Variants in GTSE1 observed in about 807,000 individuals in gnomAD.
GTSE1 encodes the protein G2 and S-phase expressed 1.
Under a neutral mutation model 60.5 loss-of-function variants are expected in GTSE1, and 52 were observed. The ratio of observed to expected loss-of-function variants is 0.86; its 90% CI spans 0.69 to 1.08. The LOEUF (loss-of-function observed/expected upper bound fraction) is 1.08, where lower values mean the gene tolerates loss of function less well. Among genes scored for constraint, GTSE1 ranks in the 50% least tolerant of loss-of-function variants. The pLI is 0.00. For missense variants in GTSE1, 937 were observed against 961.8 expected, an observed-to-expected ratio of 0.97 and a Z score of 0.34; for synonymous variants, 368 against 386.5, an observed-to-expected ratio of 0.95 and a Z score of 0.56.
chr22:46,320,822 G>A lies in GTSE1; in HGVS notation c.1433-2368G>A, dbSNP rs974291435. 2.0e-5 allele frequency among the ~76,000 whole-genome samples: 3 copies of A among 152,176 alleles called. No individual in the cohort carries two copies. The highest frequency in any genetic ancestry group is 7.2e-5 in the African/African-American group (3 of 41,436). Reference sequence around the variant, plus strand: ...CCAGGTTTAGGGAAGAGCTGATGTGGGCCTGGGAGGCGTGCGTGCTCAGGC... The same window carrying A: ...CCAGGTTTAGGGAAGAGCTGATGTGAGCCTGGGAGGCGTGCGTGCTCAGGC... On this transcript the variant is annotated intron_variant, in intron 7 of 11. Coordinates refer to ENST00000454366, the MANE Select transcript of GTSE1 (RefSeq NM_016426.7). The surrounding 1 kb of genome is among the most constrained non-coding windows in gnomAD (Gnocchi z 7.1).
At chr22:46,305,195 C>T (rs565064916) in intron 2 of GTSE1, among the ~76,000 whole-genome samples, 126 of 152,112 alleles carry the variant, frequency 8.3e-4, no homozygotes, top group African/African-American at 2.9e-3. Context: ...CTAGTTGGGA[C>T]GCTTTTTTGA....
chr22:46,302,895 C>CTTTT (rs34051708), intron 2 of GTSE1, among the ~76,000 whole-genome samples: 4 of 131,386 alleles, frequency 3.0e-5, no homozygotes, highest in African/African-American at 5.8e-5. Flanking sequence ...CACTTTCCCT[C>CTTTT]TTTTTTTTTT....
chr22:46,299,149 C>T (rs1460231911), intron 2 of GTSE1, among the ~76,000 whole-genome samples: 1 of 152,234 alleles, frequency 6.6e-6, no homozygotes, highest in Non-Finnish European at 1.5e-5. Flanking sequence ...GCTTGGAGTC[C>T]AAGACGCTCT....
At chr22:46,307,930 A>G (rs1473842749) in intron 2 of GTSE1, among the ~76,000 whole-genome samples, 8 of 152,260 alleles carry the variant, frequency 5.3e-5, no homozygotes, top group Admixed American at 5.2e-4. Context: ...TGGTCAACAT[A>G]GCGAGACTTC....
At position 46,314,708 on chromosome 22, in the gene GTSE1, T is replaced by C. The variant is rs1186664745; in HGVS notation, c.1051+695T>C. On this transcript the variant is annotated intron_variant, in intron 6 of 11. Transcript: ENST00000454366. This position sits in a 1 kb window ranked among gnomAD's most constrained non-coding sequence, Gnocchi z 7.1. ...CTGGCCAACATGGTGAAACCCTGTC[T>C]CTACTAAAAACACAAAAACTAGCCG... Among the ~76,000 whole-genome samples the C allele has an allele frequency of 6.6e-6, 1 of 151,948 alleles. No homozygotes were observed. The highest frequency in any genetic ancestry group is 6.6e-5 in the Admixed American group (1 of 15,258).
chr22:46,328,969 G>A, intron 10 of GTSE1, 80 bp downstream of exon 10: 1 of 1,150,884 alleles, frequency 8.7e-7, no homozygotes, highest in Non-Finnish European at 1.3e-6. Context: ...ACCCAGGGCT[G>A]TGGCTGGCGG....
rs1429724210 is a variant in GTSE1, at chr22:46,324,942, A to G, written c.1506-1494A>G. Among the ~76,000 whole-genome samples, 1 of 152,190 alleles carries G rather than the reference A, an allele frequency of 6.6e-6. No individual in the cohort carries two copies. Among genetic ancestry groups the G allele is most frequent in the Non-Finnish European group, 1.5e-5 (1 of 68,026 alleles). On this transcript the variant is annotated intron_variant, in intron 8 of 11. Coordinates refer to ENST00000454366, the MANE Select transcript of GTSE1 (RefSeq NM_016426.7). The surrounding 1 kb of genome is among the most constrained non-coding windows in gnomAD (Gnocchi z 5.2). Reference sequence around the variant, plus strand: ...GGTCTCCCTGGCCTCCCGAGGGGCCATGGTGGTGGGATGTCCTTGACTCAT... The same window carrying G: ...GGTCTCCCTGGCCTCCCGAGGGGCCGTGGTGGTGGGATGTCCTTGACTCAT...
Position 46,308,950 on chromosome 22 carries a change from G to GCCAC in GTSE1, c.762+8_762+11dup, listed in dbSNP as rs2077733492. 3 of 1,602,590 alleles carry GCCAC rather than the reference G, an allele frequency of 1.9e-6. No individual in the cohort carries two copies. In the Admixed American group the frequency reaches 5.1e-5, roughly 27 times the overall value. On this transcript the variant is annotated splice_region_variant and intron_variant, in intron 4 of 11. Transcript: ENST00000454366. ...CCCTGGGGCTGCGGAGAAGGTAAAT[G>GCCAC]CCACAGCAGAGCGCCTGCCTGGGGA...
At position 46,316,375 on chromosome 22, in the gene GTSE1, T is replaced by G. The variant is rs1443680918; in HGVS notation, c.1395T>G (p.Thr465=). The G allele has an allele frequency of 1.3e-6, 2 of 1,590,220 alleles. No individual in the cohort carries two copies. The highest frequency in any genetic ancestry group is 1.7e-6 in the Non-Finnish European group (2 of 1,162,902). Residue 465 remains threonine, a synonymous_variant, in exon 7 of 12, where the codon ACT becomes ACG. Transcript: ENST00000454366. This position sits in a 1 kb window ranked among gnomAD's most constrained non-coding sequence, Gnocchi z 5.0. ...CLNSKTKVMP[T]PTNQFKIPKF... ...ATTCCAAGACAAAGGTTATGCCTAC[T>G]CCTACAAATCAATTTAAAATTCCTA...
In GTSE1 at chr22:46,316,542, C is replaced by A. The variant is rs1569043133; in HGVS notation, c.1432+130C>A. 1.4e-6 allele frequency: 1 copy of A among 706,288 alleles called. No individual in the cohort carries two copies. The highest frequency in any genetic ancestry group is 2.4e-6 in the Non-Finnish European group (1 of 424,280). 43.8% of individuals were successfully genotyped at this position (706,288 alleles called of 1,614,324 possible). ...CCTCCAACAGTGCTTTCAGGTGTGA[C>A]CCGCTGTCTTCTCGCCCACGTTGTT... On this transcript the variant is annotated intron_variant, in intron 7 of 11. Coordinates refer to ENST00000454366, the MANE Select transcript of GTSE1 (RefSeq NM_016426.7). This position sits in a 1 kb window ranked among gnomAD's most constrained non-coding sequence, Gnocchi z 5.0.
At chr22:46,299,756 C>T (rs1267544161) in intron 2 of GTSE1, among the ~76,000 whole-genome samples, 1 of 152,086 alleles carries the variant, frequency 6.6e-6, no homozygotes, top group Non-Finnish European at 1.5e-5. Context: ...CTTTTAAAAA[C>T]ACAAGTTAGA....
chr22:46,325,034 C>T (rs983374202), intron 8 of GTSE1, among the ~76,000 whole-genome samples: 3 of 152,110 alleles, frequency 2.0e-5, no homozygotes, highest in African/African-American at 7.2e-5. Flanking sequence ...GACTATGTAG[C>T]TTGAACAACA....
At position 46,308,683 on chromosome 22, in the gene GTSE1, C is replaced by T. The variant is rs34725504; in HGVS notation, c.502C>T (p.Leu168=). 3,514 of 1,613,956 alleles carry T rather than the reference C, an allele frequency of 2.2e-3. 79 individuals carry two copies. The African/African-American group carries it at 0.042, about 19-fold the overall frequency. The change falls in exon 4 of 12, where the codon CTG becomes TTG. Residue 168 remains leucine (L), a synonymous_variant. Transcript: ENST00000454366. ...PTSLKRETYY[L]SDSPLLGPPV... The stretch of plus-strand genomic sequence containing the variant: ...GTCTCTTAAAAGGGAGACATACTAC[C>T]TGTCAGACAGCCCCTTGCTGGGGCC...
intron 8 of GTSE1, among the ~76,000 whole-genome samples, 168 bp from the exon 9 acceptor site, chr22:46,326,268 G>T (rs1019478427): frequency 1.3e-5 from 2 of 152,172 alleles, no homozygotes; most frequent in Admixed American, 6.5e-5. Flanking sequence ...TCGGAGCCTT[G>T]CCCGCCTTGG....
chr22:46,311,438 A>G (rs1432905579), intron 4 of GTSE1, among the ~76,000 whole-genome samples: 1 of 152,200 alleles, frequency 6.6e-6, no homozygotes, highest in Non-Finnish European at 1.5e-5. Context: ...CTGGTTGTAC[A>G]ACATAACAGA....
chr22:46,318,575 G>A lies in GTSE1; in HGVS notation c.1432+2163G>A, dbSNP rs918381981. Among the ~76,000 whole-genome samples the A allele has an allele frequency of 6.6e-6, 1 of 152,160 alleles. No individual in the cohort carries two copies. Among genetic ancestry groups the A allele is most frequent in the Non-Finnish European group, 1.5e-5 (1 of 68,038 alleles). ...GTTTGGGGAGGAATTTGCATCGGGT[G>A]GTTCTTTGGCAAAGATGGTCAGGAG... is the stretch of plus-strand genomic sequence containing the variant. On this transcript the variant is annotated intron_variant, in intron 7 of 11. Transcript: ENST00000454366. This position sits in a 1 kb window ranked among gnomAD's most constrained non-coding sequence, Gnocchi z 4.8.
At chr22:46,300,616 C>A (rs950213364) in intron 2 of GTSE1, among the ~76,000 whole-genome samples, 2 of 152,192 alleles carry the variant, frequency 1.3e-5, no homozygotes, top group African/African-American at 2.4e-5. Context: ...GCCTGAGGCA[C>A]CCTCCAGGGT....
rs888938164 is a variant in GTSE1, at chr22:46,326,431, G to T, written c.1506-5G>T. ...AGCTCACGACACTGATGTTGTGTTT[G>T]CCAGGGTCACTGTCCACAGCACCCC... On this transcript the variant is annotated splice_region_variant and splice_polypyrimidine_tract_variant and intron_variant, in intron 8 of 11. Coordinates refer to ENST00000454366, the MANE Select transcript of GTSE1 (RefSeq NM_016426.7). 4 of 1,593,922 alleles carry T rather than the reference G, an allele frequency of 2.5e-6. No homozygotes were observed. The highest frequency in any genetic ancestry group is 3.4e-6 in the Non-Finnish European group (4 of 1,164,748).
At chr22:46,326,777 G>T in intron 9 of GTSE1, 123 bp downstream of exon 9, 2 of 619,490 alleles carry the variant, frequency 3.2e-6, no homozygotes, top group Admixed American at 3.7e-5. Flanking sequence ...TGGAAAGTTT[G>T]TTTGTTTTTT....
Sources: gnomAD v4.1 joint callset for allele counts (sites outside exome capture counted in the v4.1 genomes callset) on GRCh38, gnomAD v4.1.1 for gene constraint, Gnocchi (gnomAD v3.1) non-coding constraint, MANE v1.5 for transcripts, NCBI Gene and HGNC (gene_info 2026-07-23, HGNC 2026-07-21) for gene names.